COG5: variants seen among roughly 807,000 people sequenced by gnomAD.
The protein encoded by COG5 is component of oligomeric golgi complex 5.
Under a neutral mutation model 110.4 loss-of-function variants are expected in COG5, and 86 were observed. The observed-to-expected ratio is 0.78, with a 90% CI of 0.65 to 0.93. The LOEUF (loss-of-function observed/expected upper bound fraction) is 0.93. COG5 is among the 40% of genes least tolerant of loss of function. The probability of loss-of-function intolerance (pLI) is 0.00; values close to 1 mark genes in which losing one functional copy is unlikely to be tolerated. For missense variants in COG5, 1,077 were observed against 987.0 expected (o/e 1.09, Z -1.22); for synonymous variants, 360 against 334.6 (o/e 1.08, Z -0.83).
intron 5 of COG5, among the ~76,000 whole-genome samples, chr7:107,537,763 A>G (rs1260451714): frequency 1.3e-5 from 2 of 152,006 alleles, no homozygotes; most frequent in African/African-American, 4.8e-5. Flanking sequence ...GAAAAAAAAA[A>G]GAGCAAAGGA....
intron 11 of COG5, among the ~76,000 whole-genome samples, chr7:107,319,281 A>G (rs1809038943): frequency 6.6e-6 from 1 of 152,200 alleles, no homozygotes; most frequent in Non-Finnish European, 1.5e-5. Flanking sequence ...TAGTCTGCTT[A>G]TACTACTGAT....
In COG5 at chr7:107,544,407, C is replaced by T. The variant is rs531662730; in HGVS notation, c.417+3704G>A. ...TGTGGACTAGGGCCCTAATAGTCAACGTGTCCACTCCACAAGGGGCCAGCT... is the reference window on the plus strand; with the variant it reads ...TGTGGACTAGGGCCCTAATAGTCAATGTGTCCACTCCACAAGGGGCCAGCT... On this transcript the variant is annotated intron_variant, in intron 5 of 21. Transcript: ENST00000297135. 4.8e-4 allele frequency among the ~76,000 whole-genome samples: 73 copies of T among 152,338 alleles called. 1 individual carries two copies. The highest frequency in any genetic ancestry group is 3.5e-3 in the Admixed American group (54 of 15,300).
chr7:107,455,763 T>A (rs748758405), intron 6 of COG5, among the ~76,000 whole-genome samples: 14 of 152,072 alleles, frequency 9.2e-5, no homozygotes, highest in Non-Finnish European at 1.9e-4. Context: ...TATGGAAGCA[T>A]TTATGAAAGA....
chr7:107,362,274 T>C (rs1813186820), intron 9 of COG5, 34 bp downstream of exon 9: 2 of 1,521,550 alleles, frequency 1.3e-6, no homozygotes, highest in Non-Finnish European at 1.8e-6. Context: ...AGTTAATCCA[T>C]ATTAATGTTT....
At chr7:107,491,029 T>C (rs1257009107) in intron 6 of COG5, among the ~76,000 whole-genome samples, 1 of 152,144 alleles carries the variant, frequency 6.6e-6, no homozygotes, top group East Asian at 1.9e-4. Context: ...TAACTAATCC[T>C]TGCAGTTTTT....
chr7:107,492,204 T>TGTGTGTGTGTGTGTGTGTGTG (rs1563064575), intron 6 of COG5, among the ~76,000 whole-genome samples: 1 of 150,508 alleles, frequency 6.6e-6, no homozygotes, highest in Non-Finnish European at 1.5e-5. Context: ...TGTGTGTGTG[T>TGTGTGTGTGTGTGTGTGTGTG]AGTTTATTTT....
intron 6 of COG5, among the ~76,000 whole-genome samples, chr7:107,507,605 C>A (rs1004285385): frequency 2.6e-5 from 4 of 151,580 alleles, no homozygotes; most frequent in Non-Finnish European, 5.9e-5. Context: ...CACACCCGGC[C>A]GAAATAAAAC....
chr7:107,543,617 G>A (rs1402743832), intron 5 of COG5, among the ~76,000 whole-genome samples: 1 of 152,056 alleles, frequency 6.6e-6, no homozygotes, highest in Non-Finnish European at 1.5e-5. Flanking sequence ...TGCCAGGTTA[G>A]CACTCAGACT....
At chr7:107,561,014 A>G (rs1803728679) in intron 1 of COG5, among the ~76,000 whole-genome samples, 1 of 152,192 alleles carries the variant, frequency 6.6e-6, no homozygotes, top group Non-Finnish European at 1.5e-5. Flanking sequence ...GCAATCAAAG[A>G]GACTAAAGAG....
At chr7:107,406,654 T>G (rs1400441854) in intron 7 of COG5, among the ~76,000 whole-genome samples, 1 of 152,154 alleles carries the variant, frequency 6.6e-6, no homozygotes, top group Non-Finnish European at 1.5e-5. Flanking sequence ...ACAAAAAGCC[T>G]TTAAAAGTAA....
chr7:107,404,631 A>G (rs1989814), intron 7 of COG5, among the ~76,000 whole-genome samples: 23,653 of 152,164 alleles, frequency 0.16, 2,298 homozygotes, highest in Non-Finnish European at 0.21. Context: ...CAGAGAACAT[A>G]TGAGGAGAGT....
At chr7:107,279,459 A>G (rs1243034080) in intron 14 of COG5, among the ~76,000 whole-genome samples, 1 of 152,200 alleles carries the variant, frequency 6.6e-6, no homozygotes, top group Admixed American at 6.5e-5. Context: ...TTCTTCCACT[A>G]AAGACTTACA....
chr7:107,522,897 T>A (rs887564074), intron 6 of COG5, among the ~76,000 whole-genome samples: 3 of 152,254 alleles, frequency 2.0e-5, no homozygotes, highest in Non-Finnish European at 4.4e-5. Context: ...GATCTTTATG[T>A]CTTGATTACT....
At chr7:107,229,617 GAA>G (rs1027309702) in intron 19 of COG5, among the ~76,000 whole-genome samples, 1 of 151,868 alleles carries the variant, frequency 6.6e-6, no homozygotes, top group South Asian at 2.1e-4. Flanking sequence ...AATCTGAGCT[GAA>G]AAAAATCTAA....
intron 17 of COG5, among the ~76,000 whole-genome samples, chr7:107,239,800 A>G (rs1215997992): frequency 6.6e-6 from 1 of 152,188 alleles, no homozygotes; most frequent in Non-Finnish European, 1.5e-5. Flanking sequence ...GATTTCTCCT[A>G]TTATTGATGT....
chr7:107,214,692 T>C (rs997542302), intron 19 of COG5, among the ~76,000 whole-genome samples: 1 of 151,944 alleles, frequency 6.6e-6, no homozygotes, highest in African/African-American at 2.4e-5. Context: ...AAGGCTGAGG[T>C]GGGCGGATCA....
At chr7:107,409,317 A>G (rs1242823819) in intron 7 of COG5, among the ~76,000 whole-genome samples, 1 of 151,296 alleles carries the variant, frequency 6.6e-6, no homozygotes, top group Non-Finnish European at 1.5e-5. Flanking sequence ...ATGGTTACCA[A>G]TATCAAAAAT....
At chr7:107,203,820 G>A (rs565386860) in intron 21 of COG5, among the ~76,000 whole-genome samples, 190 bp from the exon 22 acceptor site, 3 of 152,254 alleles carry the variant, frequency 2.0e-5, no homozygotes, top group South Asian at 2.1e-4. Flanking sequence ...CGGTTACTAC[G>A]TTTAGTGTGA....
intron 14 of COG5, among the ~76,000 whole-genome samples, chr7:107,271,611 C>T (rs190767870): frequency 1.3e-5 from 2 of 151,940 alleles, no homozygotes; most frequent in African/African-American, 4.8e-5. Context: ...CTGTTTGTAG[C>T]TGGTAGATAG....
Sources: gnomAD v4.1 joint callset for allele counts (sites outside exome capture counted in the v4.1 genomes callset) on GRCh38, gnomAD v4.1.1 for gene constraint, MANE v1.5 for transcripts, NCBI Gene and HGNC (gene_info 2026-07-23, HGNC 2026-07-21) for gene names.